TRAPPC8: variants seen among roughly 807,000 people sequenced by gnomAD.
The protein encoded by TRAPPC8 is general sporulation gene 1 homolog.
In TRAPPC8, 54 loss-of-function variants were observed where a neutral mutation model predicts 174.3. That is an observed-to-expected ratio of 0.31 (90% CI 0.25 to 0.39). TRAPPC8 has a LOEUF of 0.39. Among genes scored for constraint, TRAPPC8 ranks in the 10% least tolerant of loss-of-function variants. The pLI, the probability that TRAPPC8 is intolerant of heterozygous loss-of-function variation, is 1.00. For missense variants in TRAPPC8, 1,531 were observed against 1,699.1 expected (o/e 0.90, Z 1.74); for synonymous variants, 630 against 579.9 (o/e 1.09, Z -1.24).
chr18:31,857,935 T>G lies in TRAPPC8; in HGVS notation c.2793A>C (p.Arg931=). The change falls in exon 20 of 29, where the codon CGA becomes CGC. Residue 931 remains arginine, a synonymous_variant. Coordinates refer to ENST00000283351, the MANE Select transcript of TRAPPC8 (RefSeq NM_014939.5). ...CATTGACAAATTCTACATATGCTTT[T>G]CGGATTTCTCCACAGAGAAGCCCTG... ...FPTGLLCGEI[R]KAYVEFVNVS... 1 of 1,614,028 alleles carries G rather than the reference T, an allele frequency of 6.2e-7. No individual in the cohort carries two copies. Among genetic ancestry groups the G allele is most frequent in the Non-Finnish European group, 8.5e-7 (1 of 1,179,936 alleles).
intron 9 of TRAPPC8, among the ~76,000 whole-genome samples, chr18:31,903,147 C>T (rs991192867): frequency 6.7e-6 from 1 of 149,406 alleles, no homozygotes; most frequent in Non-Finnish European, 1.5e-5. Flanking sequence ...TGTGTGTTTT[C>T]CCTGTGACAC....
Position 31,867,388 on chromosome 18 carries a change from G to C in TRAPPC8, c.2463+14C>G, listed in dbSNP as rs1415188615. ...TCAGAAAGGCATAAAGCAGAGAAAT[G>C]ATAAAATAATTACCACTTTTGATTC... On this transcript the variant is annotated intron_variant, in intron 17 of 28. Transcript: ENST00000283351. 3 of 1,563,558 alleles carry C rather than the reference G, an allele frequency of 1.9e-6. No individual in the cohort carries two copies. The highest frequency in any genetic ancestry group is 4.5e-5 in the East Asian group (2 of 44,492).
At chr18:31,908,244 T>C in intron 8 of TRAPPC8, 59 bp downstream of exon 8, 1 of 1,034,558 alleles carries the variant, frequency 9.7e-7, no homozygotes, top group Non-Finnish European at 1.4e-6. Context: ...GGATATACAA[T>C]CAAACACTAG....
chr18:31,876,641 T>C (rs2035169040), intron 12 of TRAPPC8, among the ~76,000 whole-genome samples: 1 of 151,632 alleles, frequency 6.6e-6, no homozygotes, highest in Admixed American at 6.6e-5. Context: ...GGAAAGAAAC[T>C]AGAGTGCAGG....
intron 11 of TRAPPC8, among the ~76,000 whole-genome samples, chr18:31,892,277 G>A (rs957972362): frequency 6.6e-6 from 1 of 152,064 alleles, no homozygotes; most frequent in Admixed American, 6.6e-5. Flanking sequence ...GTATGTGCAT[G>A]TGTTTACATG....
At chr18:31,857,479 C>G in intron 20 of TRAPPC8, 61 bp downstream of exon 20, 1 of 1,284,594 alleles carries the variant, frequency 7.8e-7, no homozygotes, top group Non-Finnish European at 1.0e-6. Flanking sequence ...AAATGTTTAT[C>G]TGAATATGTG....
At chr18:31,837,051 C>G (rs538385126) in intron 27 of TRAPPC8, among the ~76,000 whole-genome samples, 9 of 152,002 alleles carry the variant, frequency 5.9e-5, no homozygotes, top group East Asian at 3.9e-4. Context: ...CGTGAGCCAC[C>G]GCGCCCGGCC....
intron 18 of TRAPPC8, among the ~76,000 whole-genome samples, chr18:31,866,511 AG>A (rs1466529416): frequency 6.6e-6 from 1 of 152,126 alleles, no homozygotes; most frequent in Admixed American, 6.6e-5. Context: ...CAAAAAAAAA[AG>A]AACATATTAA....
chr18:31,895,062 T>C (rs998474617), intron 11 of TRAPPC8, among the ~76,000 whole-genome samples: 3 of 152,200 alleles, frequency 2.0e-5, no homozygotes, highest in African/African-American at 7.2e-5. Context: ...TATGATTCAC[T>C]TGACCAAAAA....
At chr18:31,870,250 T>C in intron 16 of TRAPPC8, 122 bp downstream of exon 16, 2 of 880,256 alleles carry the variant, frequency 2.3e-6, no homozygotes, top group South Asian at 3.3e-5. Flanking sequence ...ATAATTTTTA[T>C]AACTAAGGAA....
At chr18:31,874,941 C>G (rs1038552032) in intron 12 of TRAPPC8, among the ~76,000 whole-genome samples, 1 of 151,998 alleles carries the variant, frequency 6.6e-6, no homozygotes, top group African/African-American at 2.4e-5. Context: ...AGTAGGGTAC[C>G]TAAAGGAAGA....
rs531913842 is a variant in TRAPPC8, at chr18:31,891,730, T to A, written c.1597-864A>T. 7.2e-5 allele frequency among the ~76,000 whole-genome samples: 11 copies of A among 152,314 alleles called. No individual in the cohort carries two copies. In the South Asian group the frequency reaches 2.1e-3, roughly 29 times the overall value. On this transcript the variant is annotated intron_variant, in intron 11 of 28. Transcript: ENST00000283351. ...CTTCCATGTGTTCTGCTGCCATTAT[T>A]TTCCCCAGGGAAAGTTGAAAACAGA...
chr18:31,866,439 T>C (rs1026458970), intron 18 of TRAPPC8, among the ~76,000 whole-genome samples: 14 of 152,132 alleles, frequency 9.2e-5, no homozygotes, highest in Non-Finnish European at 1.0e-4. Context: ...AGGTATTTAA[T>C]ATCCAGTGAT....
At chr18:31,909,424 T>C (rs2036812848) in intron 6 of TRAPPC8, 1 of 326,950 alleles carries the variant, frequency 3.1e-6, no homozygotes, top group African/African-American at 2.2e-5. Flanking sequence ...GCATCACATC[T>C]TCCCTTGCTT....
intron 16 of TRAPPC8, 68 bp from the exon 17 acceptor site, chr18:31,867,544 T>C (rs1000808678): frequency 1.3e-5 from 13 of 1,014,888 alleles, no homozygotes; most frequent in African/African-American, 4.9e-5. Context: ...CACTCCTATA[T>C]ATCAATACTT....
At chr18:31,909,859 G>C in intron 5 of TRAPPC8, 99 bp from the exon 6 acceptor site, 1 of 779,822 alleles carries the variant, frequency 1.3e-6, no homozygotes, top group South Asian at 2.4e-5. Flanking sequence ...GCTAACTGTT[G>C]GCCTCATTTA....
At chr18:31,921,546 G>GT (rs200018549) in intron 2 of TRAPPC8, among the ~76,000 whole-genome samples, 2,065 of 151,618 alleles carry the variant, frequency 0.014, 12 homozygotes, top group Non-Finnish European at 0.021. Flanking sequence ...AACTCGGGAG[G>GT]TGGAGGTTGC....
chr18:31,859,538 A>T (rs2034213332), intron 19 of TRAPPC8, among the ~76,000 whole-genome samples: 1 of 140,018 alleles, frequency 7.1e-6, no homozygotes. Context: ...ATTAACAAAA[A>T]GTGAAATAGA....
Position 31,918,381 on chromosome 18 carries a change from A to G in TRAPPC8, c.353-714T>C, listed in dbSNP as rs536783137. On this transcript the variant is annotated intron_variant, in intron 2 of 28. Transcript: ENST00000283351. ...TGACCCTGCCACTAGTCACACTGCC[A>G]TAAGTAGATCTTTTTCAAAAATAAC... Among the ~76,000 whole-genome samples the G allele has an allele frequency of 2.8e-3, 432 of 152,284 alleles. 1 individual carries two copies. Among genetic ancestry groups the G allele is most frequent in the African/African-American group, 5.2e-3 (218 of 41,566 alleles).
Sources: gnomAD v4.1 joint callset for allele counts (sites outside exome capture counted in the v4.1 genomes callset) on GRCh38, gnomAD v4.1.1 for gene constraint, MANE v1.5 for transcripts, NCBI Gene and HGNC (gene_info 2026-07-23, HGNC 2026-07-21) for gene names.